Variants in MARK2 observed in about 807,000 individuals in gnomAD.
MARK2 encodes the protein serine/threonine-protein kinase MARK2.
A neutral mutation model predicts 89.8 loss-of-function variants in MARK2; 16 were observed. That is an observed-to-expected ratio of 0.18 (90% CI 0.12 to 0.27). MARK2 has a LOEUF of 0.27. Among genes scored for constraint, MARK2 ranks in the 10% least tolerant of loss-of-function variants. The pLI, the probability that MARK2 is intolerant of heterozygous loss-of-function variation, is 1.00. For missense variants in MARK2, 621 were observed against 1,049.9 expected, an observed-to-expected ratio of 0.59 and a Z score of 5.65; for synonymous variants, 382 against 399.5, an observed-to-expected ratio of 0.96 and a Z score of 0.52.
At chr11:63,869,790 G>T (rs1938345304) in intron 1 of MARK2, among the ~76,000 whole-genome samples, 1 of 152,168 alleles carries the variant, frequency 6.6e-6, no homozygotes, top group Non-Finnish European at 1.5e-5. Context: ...AGGTTGTCTT[G>T]ACATAAGTCA....
intron 17 of MARK2, among the ~76,000 whole-genome samples, chr11:63,907,412 CTGTT>C (rs1426544534): frequency 6.6e-6 from 1 of 152,210 alleles, no homozygotes; most frequent in Non-Finnish European, 1.5e-5. Context: ...TTGTGTCTTC[CTGTT>C]TATTTCTATG....
At chr11:63,906,923 G>A (rs989000511) in intron 17 of MARK2, among the ~76,000 whole-genome samples, 2 of 151,792 alleles carry the variant, frequency 1.3e-5, no homozygotes, top group African/African-American at 4.8e-5. Context: ...TCCAAAGTGC[G>A]GGGAGCTGGG....
intron 1 of MARK2, among the ~76,000 whole-genome samples, chr11:63,865,739 C>T (rs1258424828): frequency 6.6e-6 from 1 of 152,174 alleles, no homozygotes; most frequent in Non-Finnish European, 1.5e-5. Context: ...GATGACAGTC[C>T]TTTTCATTGA....
Position 63,856,334 on chromosome 11 carries a change from TTTTAA to T in MARK2, c.54+16775_54+16779del, listed in dbSNP as rs1237083113. On this transcript the variant is annotated intron_variant, in intron 1 of 18. Transcript: ENST00000402010. ...TTTTTTTTTTTTGTTTTTTTTTTTT[TTTTAA>T]ATATATGGCTTGTTTATTCTTTTTC... Among the ~76,000 whole-genome samples, 3 of 111,246 alleles carry T rather than the reference TTTTAA, an allele frequency of 2.7e-5. 1 individual carries two copies. Among genetic ancestry groups the T allele is most frequent in the Non-Finnish European group, 5.8e-5 (3 of 51,852 alleles). 73.0% of individuals were successfully genotyped at this position (111,246 alleles called of 152,430 possible). A position where few individuals can be genotyped will look rare whatever the true frequency, so the allele number is the denominator to read the frequency against.
rs2015887908 is a variant in MARK2, at chr11:63,839,433, C to T, written c.-74C>T. 4 of 932,256 alleles carry T rather than the reference C, an allele frequency of 4.3e-6. No individual in the cohort carries two copies. The highest frequency in any genetic ancestry group is 2.8e-5 in the South Asian group (2 of 70,976). 57.7% of individuals were successfully genotyped at this position (932,256 alleles called of 1,614,324 possible). ...TGCTCCTGCTGTGAGAAGCCCCGCCCGGCCGGGCTCCGCGCCTTCCCTTCC... is the reference window on the plus strand; with the variant it reads ...TGCTCCTGCTGTGAGAAGCCCCGCCTGGCCGGGCTCCGCGCCTTCCCTTCC... On this transcript the variant is annotated 5_prime_UTR_variant, in exon 1 of 19. Coordinates refer to ENST00000402010, the MANE Select transcript of MARK2 (RefSeq NM_001039469.3).
chr11:63,868,709 G>T (rs12792726), intron 1 of MARK2: 136,021 of 449,418 alleles, frequency 0.3, 23,873 homozygotes, highest in Non-Finnish European at 0.37. Flanking sequence ...GTCTGCCTGC[G>T]TTGTTGCTCC....
chr11:63,873,043 C>T (rs1281791758), intron 1 of MARK2, among the ~76,000 whole-genome samples: 7 of 151,988 alleles, frequency 4.6e-5, no homozygotes, highest in Middle Eastern at 3.4e-3. Flanking sequence ...GTTACTGTCC[C>T]GGGCTGGCAC....
At chr11:63,908,491 TCTC>T (rs1490880027) in intron 18 of MARK2, among the ~76,000 whole-genome samples, 187 bp downstream of exon 18, 2 of 152,158 alleles carry the variant, frequency 1.3e-5, no homozygotes, top group East Asian at 1.9e-4. Flanking sequence ...TACGGGCCCT[TCTC>T]CTCAGGTCTG....
chr11:63,905,248 C>G (rs574754770), intron 16 of MARK2, among the ~76,000 whole-genome samples: 8 of 152,196 alleles, frequency 5.3e-5, no homozygotes, highest in Admixed American at 1.3e-4. Flanking sequence ...GGCCTCTCCC[C>G]AACTCCTCAC....
At chr11:63,854,075 G>A (rs937955982) in intron 1 of MARK2, among the ~76,000 whole-genome samples, 1 of 151,610 alleles carries the variant, frequency 6.6e-6, no homozygotes, top group Admixed American at 6.6e-5. Context: ...GTTTCGCCAC[G>A]TTGGCCGGGC....
At chr11:63,860,118 T>C (rs1011192339) in intron 1 of MARK2, among the ~76,000 whole-genome samples, 1 of 152,210 alleles carries the variant, frequency 6.6e-6, no homozygotes, top group Non-Finnish European at 1.5e-5. Flanking sequence ...TACCCTGTAA[T>C]TCTCAACTTT....
chr11:63,856,766 ATGTTTTTTTTTTTTTT>A (rs551221578), intron 1 of MARK2, among the ~76,000 whole-genome samples: 5 of 41,330 alleles, frequency 1.2e-4, no homozygotes, highest in East Asian at 1.3e-3. Flanking sequence ...TAAATTTTTC[ATGTTTTTTTTTTTTTT>A]TTTTTTTTTT....
chr11:63,865,632 G>A (rs2135251212), intron 1 of MARK2, among the ~76,000 whole-genome samples: 1 of 152,306 alleles, frequency 6.6e-6, no homozygotes, highest in South Asian at 2.1e-4. Context: ...GTCCATAGGG[G>A]CTCTGCCCTT....
chr11:63,890,105 C>A, intron 1 of MARK2: 1 of 480,628 alleles, frequency 2.1e-6, no homozygotes, highest in Non-Finnish European at 3.8e-6. Flanking sequence ...CCTCTTTATC[C>A]TTCAGGGAAG....
At position 63,903,023 on chromosome 11, in the gene MARK2, G is replaced by A. The variant is rs915511576; in HGVS notation, c.1417-38G>A. 1 of 1,572,912 alleles carries A rather than the reference G, an allele frequency of 6.4e-7. No individual in the cohort carries two copies. Among genetic ancestry groups the A allele is most frequent in the Non-Finnish European group, 8.7e-7 (1 of 1,142,998 alleles). ...GGAGAACCTGGCTGTAGACCACTTT[G>A]GCTTTCTGATAGAACGCTTGCCCTT... On this transcript the variant is annotated intron_variant, in intron 13 of 18. Coordinates refer to ENST00000402010, the MANE Select transcript of MARK2 (RefSeq NM_001039469.3). This position sits in a 1 kb window ranked among gnomAD's most constrained non-coding sequence, Gnocchi z 5.1.
At chr11:63,850,315 ATTTTTTTTTTTT>A (rs34074167) in intron 1 of MARK2, among the ~76,000 whole-genome samples, 1 of 95,762 alleles carries the variant, frequency 1.0e-5, no homozygotes, top group East Asian at 3.1e-4. Flanking sequence ...TACCTGGCTA[ATTTTTTTTTTTT>A]TTTTTTTTTT....
At chr11:63,865,139 C>A (rs566828843) in intron 1 of MARK2, among the ~76,000 whole-genome samples, 35 of 152,310 alleles carry the variant, frequency 2.3e-4, no homozygotes, top group African/African-American at 7.7e-4. Flanking sequence ...AACCTACCTG[C>A]CTTCGCCTCC....
At chr11:63,866,154 C>A (rs1938117067) in intron 1 of MARK2, among the ~76,000 whole-genome samples, 1 of 151,992 alleles carries the variant, frequency 6.6e-6, no homozygotes, top group South Asian at 2.1e-4. Context: ...GAGTTCGACA[C>A]CAGCCTGGTC....
At chr11:63,881,666 C>T (rs1274667778) in intron 1 of MARK2, among the ~76,000 whole-genome samples, 1 of 152,050 alleles carries the variant, frequency 6.6e-6, no homozygotes, top group African/African-American at 2.4e-5. Context: ...ATCAATGGGG[C>T]TGGGTGTGGT....
Sources: gnomAD v4.1 joint callset for allele counts (sites outside exome capture counted in the v4.1 genomes callset) on GRCh38, gnomAD v4.1.1 for gene constraint, Gnocchi (gnomAD v3.1) non-coding constraint, MANE v1.5 for transcripts, NCBI Gene and HGNC (gene_info 2026-07-23, HGNC 2026-07-21) for gene names.